Variants in POLM observed in about 807,000 individuals in gnomAD.
The protein encoded by POLM is DNA polymerase mu, also known as DNA-directed DNA/RNA polymerase mu.
A neutral mutation model predicts 56.7 loss-of-function variants in POLM; 52 were observed. The ratio of observed to expected loss-of-function variants is 0.92; its 90% confidence interval spans 0.73 to 1.15. The LOEUF is 1.15. POLM is among the 50% of genes most tolerant of loss of function. The pLI is 0.00. For missense variants in POLM, 660 were observed against 663.6 expected (o/e 0.99, Z 0.06); for synonymous variants, 273 against 274.3 (o/e 1.00, Z 0.05).
Position 44,073,695 on chromosome 7 carries a change from T to C in POLM, c.1328A>G (p.Glu443Gly). Residue 443 changes from glutamate to glycine, a missense_variant, in exon 10 of 11, where the codon GAG becomes GGG. Glu to Gly is a moderately conservative substitution (Grantham distance 98, BLOSUM62 -2). Coordinates refer to ENST00000242248, the MANE Select transcript of POLM (RefSeq NM_013284.4). Reference sequence around the variant, plus strand: ...CTCCTTCCGGCTGAAGCGGCGCAGCTCCCGCTGGAAAAGCTGTAGGGAAGG... The same window carrying C: ...CTCCTTCCGGCTGAAGCGGCGCAGCCCCCGCTGGAAAAGCTGTAGGGAAGG... ...GWTGSKLFQR[E>G]LRRFSRKEKG... is the part of the protein sequence containing the mutation. 6.2e-7 allele frequency: 1 copy of C among 1,614,114 alleles called. No homozygotes were observed. Among genetic ancestry groups the C allele is most frequent in the Non-Finnish European group, 8.5e-7 (1 of 1,179,998 alleles).
In POLM at chr7:44,082,362, C is replaced by A; in HGVS notation, c.77G>T (p.Arg26Leu). Residue 26 changes from arginine (R) to leucine (L), a missense_variant, in exon 1 of 11, where the codon CGC becomes CTC. Arg to Leu is a moderately radical substitution (Grantham distance 102). Transcript: ENST00000242248. ...CAGGTAGATGGCGACTCCCGGGAAG[C>A]GCGTCGAGGGCGGCGTGGAGGAAGC... ...DAASSTPPST[R>L]FPGVAIYLVE... 1 of 1,548,056 alleles carries A rather than the reference C, an allele frequency of 6.5e-7. No individual in the cohort carries two copies. The highest frequency in any genetic ancestry group is 8.7e-7 in the Non-Finnish European group (1 of 1,155,664).
chr7:44,074,100 G>A (rs1051899823), intron 8 of POLM, 31 bp downstream of exon 8: 24 of 1,606,380 alleles, frequency 1.5e-5, no homozygotes, highest in Middle Eastern at 3.3e-4. Flanking sequence ...ATTGGCCAGC[G>A]GTGGCTCTTG....
chr7:44,074,384 T>C lies in POLM; in HGVS notation c.968+14A>G, dbSNP rs374195978. On this transcript the variant is annotated intron_variant, in intron 7 of 10. Coordinates refer to ENST00000242248, the MANE Select transcript of POLM (RefSeq NM_013284.4). ...TCTGAAGCCAAGCCAGAGGGGCACG[T>C]CGGGCCTTCTTACCTGCGGAAGCCG... 4 of 1,552,790 alleles carry C rather than the reference T, an allele frequency of 2.6e-6. No individual in the cohort carries two copies. The highest frequency in any genetic ancestry group is 3.5e-6 in the Non-Finnish European group (4 of 1,147,808).
rs371084765 is a variant in POLM, at chr7:44,074,383, G to C, written c.968+15C>G. The stretch of plus-strand genomic sequence containing the variant: ...GTCTGAAGCCAAGCCAGAGGGGCAC[G>C]TCGGGCCTTCTTACCTGCGGAAGCC... On this transcript the variant is annotated intron_variant, in intron 7 of 10. Coordinates refer to ENST00000242248, the MANE Select transcript of POLM (RefSeq NM_013284.4). 6.4e-7 allele frequency: 1 copy of C among 1,552,638 alleles called. No homozygotes were observed. The highest frequency in any genetic ancestry group is 1.4e-5 in the African/African-American group (1 of 73,220).
At chr7:44,074,083 C>T in intron 8 of POLM, 48 bp downstream of exon 8, 1 of 1,607,500 alleles carries the variant, frequency 6.2e-7, no homozygotes, top group Non-Finnish European at 8.5e-7. Flanking sequence ...GAGCAGGAGG[C>T]AGTGGCATTG....
intron 1 of POLM, 81 bp from the exon 2 acceptor site, chr7:44,080,997 G>T (rs977185123): frequency 8.2e-7 from 1 of 1,217,738 alleles, no homozygotes; most frequent in Non-Finnish European, 1.1e-6. Flanking sequence ...CACTCTTGCC[G>T]TCCCTTCTGC....
At chr7:44,080,942 G>A in intron 1 of POLM, 26 bp from the exon 2 acceptor site, 1 of 1,535,730 alleles carries the variant, frequency 6.5e-7, no homozygotes, top group Non-Finnish European at 8.8e-7. Flanking sequence ...GGGAGAGAAG[G>A]AGGAGGGTGA....
intron 1 of POLM, among the ~76,000 whole-genome samples, chr7:44,081,744 C>CTTTTT (rs1183469734): frequency 0.07 from 8,768 of 125,056 alleles, 405 homozygotes; most frequent in Non-Finnish European, 0.087. Flanking sequence ...GCAAATACGA[C>CTTTTT]TTTTTTTTTT....
At position 44,080,851 on chromosome 7, in the gene POLM, C is replaced by G; in HGVS notation, c.254G>C (p.Arg85Pro). The change falls in exon 2 of 11, where the codon CGC becomes CCC. Residue 85 changes from arginine to proline, a missense_variant. Physicochemically the swap from Arg to Pro is moderately radical, Grantham distance 103 (BLOSUM62 -2). Coordinates refer to ENST00000242248, the MANE Select transcript of POLM (RefSeq NM_013284.4). ...ACCCGGGGGAGCAGCTGCCATCCTG[C>G]GCTCCTGCCAGCTGACGGCCTCCTC... ...SAEEAVSWQE[R>P]RMAAAPPGCT... is the part of the protein sequence containing the mutation. The G allele has an allele frequency of 1.2e-6, 2 of 1,609,784 alleles. No individual in the cohort carries two copies. The highest frequency in any genetic ancestry group is 1.7e-6 in the Non-Finnish European group (2 of 1,178,116).
Position 44,073,123 on chromosome 7 carries a change from C to T in POLM, c.*168G>A. 6.7e-7 allele frequency: 1 copy of T among 1,490,774 alleles called. No homozygotes were observed. The highest frequency in any genetic ancestry group is 8.9e-7 in the Non-Finnish European group (1 of 1,120,176). The allele number at this position is 1,490,774 out of a possible 1,614,324, so 92.3% of individuals were successfully genotyped here. ...CTCATCACACCCTGCAGCACACCAGCAGGGGCTCAACTGATCCTGCAGGCA... is the reference window on the plus strand; with the variant it reads ...CTCATCACACCCTGCAGCACACCAGTAGGGGCTCAACTGATCCTGCAGGCA... On this transcript the variant is annotated 3_prime_UTR_variant, in exon 11 of 11. Transcript: ENST00000242248.
chr7:44,073,545 G>T, intron 10 of POLM, 80 bp downstream of exon 10: 1 of 1,602,240 alleles, frequency 6.2e-7, no homozygotes, highest in South Asian at 1.1e-5. Flanking sequence ...CAGGCTGGAG[G>T]GGTCTGGGGC....
chr7:44,074,482 A>G lies in POLM; in HGVS notation c.884T>C (p.Val295Ala), dbSNP rs1222972213. Residue 295 changes from valine (V) to alanine (A), a missense_variant, in exon 7 of 11, where the codon GTA becomes GCA. Transcript: ENST00000242248. ...DLSTPVLRSD[V>A]DALQQVVEEA... is the part of the protein sequence containing the mutation. ...CTCCACCACCTGCTGCAGGGCATCT[A>G]CATCGGACCGCAGGACTGGGGTGCT... The G allele has an allele frequency of 1.3e-6, 2 of 1,598,040 alleles. No homozygotes were observed. The highest frequency in any genetic ancestry group is 1.7e-6 in the Non-Finnish European group (2 of 1,172,962).
In POLM at chr7:44,073,887, C is replaced by A; in HGVS notation, c.1210G>T (p.Gly404Ter). The A allele has an allele frequency of 4.3e-6, 7 of 1,614,202 alleles. No individual in the cohort carries two copies. The highest frequency in any genetic ancestry group is 5.9e-6 in the Non-Finnish European group (7 of 1,180,036). Reference sequence around the variant, plus strand: ...CAGGATGGGCAGGGCCTCGTGGATCCCCCCACAGCAGCCCCTGGAGGTTGT... The same window carrying A: ...CAGGATGGGCAGGGCCTCGTGGATCACCCCACAGCAGCCCCTGGAGGTTGT... Reference protein sequence around the residue: ...LPQPPGAAVGGSTRPCPSWKA... With the variant: ...LPQPPGAAVG Residue 404 changes from glycine (G) to a stop codon, truncating the protein, a stop_gained, in exon 9 of 11, where the codon GGA (glycine) becomes TGA (stop). Transcript: ENST00000242248. LOFTEE classifies it high-confidence loss of function.
chr7:44,079,768 G>A (rs1328568613), intron 3 of POLM, 27 bp from the exon 4 acceptor site: 3 of 1,610,556 alleles, frequency 1.9e-6, no homozygotes, highest in East Asian at 2.2e-5. Context: ...TAGGTAAGGG[G>A]CAGGGTGGGC....
Position 44,082,513 on chromosome 7 carries a change from A to C in POLM, c.-75T>G, listed in dbSNP as rs1348379958. ...AGCGAGACGGAAGGAAGCCCCAGTG[A>C]GGCTGACGGAAGCGGGTGGGCGGGC... On this transcript the variant is annotated 5_prime_UTR_variant, in exon 1 of 11. Coordinates refer to ENST00000242248, the MANE Select transcript of POLM (RefSeq NM_013284.4). 3.7e-5 allele frequency: 2 copies of C among 53,854 alleles called. No individual in the cohort carries two copies. Among genetic ancestry groups the C allele is most frequent in the Non-Finnish European group, 6.2e-5 (2 of 32,434 alleles). 3.3% of individuals were successfully genotyped at this position (53,854 alleles called of 1,614,324 possible).
At position 44,073,317 on chromosome 7, in the gene POLM, G is replaced by T. The variant is rs758784162; in HGVS notation, c.1459C>A (p.Leu487Ile). 5 of 1,614,110 alleles carry T rather than the reference G, an allele frequency of 3.1e-6. No individual in the cohort carries two copies. Among genetic ancestry groups the T allele is most frequent in the African/African-American group, 2.7e-5 (2 of 74,938 alleles). Reference sequence around the variant, plus strand: ...CAGGCGTTTCTCTGCTCTGGAGGAAGGTACTCAAGGCCCAGGTGTCTGAAG... The same window carrying T: ...CAGGCGTTTCTCTGCTCTGGAGGAATGTACTCAAGGCCCAGGTGTCTGAAG... ...DIFRHLGLEY[L>I]PPEQRNA Residue 487 changes from leucine to isoleucine, a missense_variant, in exon 11 of 11, where the codon CTT becomes ATT. By Grantham distance (5) the Leu-to-Ile change is conservative (BLOSUM62 2). Transcript: ENST00000242248.
chr7:44,076,436 T>C, intron 6 of POLM, 73 bp downstream of exon 6: 1 of 1,591,010 alleles, frequency 6.3e-7, no homozygotes. Flanking sequence ...CCCTTCCCTC[T>C]AGGGAGTTGA....
Position 44,082,473 on chromosome 7 carries a change from C to G in POLM, c.-35G>C. ...AGCCTCCAGCAGCGCGGAGCGAACGCAGAGGGAAACTCCGAGCGAGACGGA... is the reference window on the plus strand; with the variant it reads ...AGCCTCCAGCAGCGCGGAGCGAACGGAGAGGGAAACTCCGAGCGAGACGGA... On this transcript the variant is annotated 5_prime_UTR_variant, in exon 1 of 11. Transcript: ENST00000242248. 1 of 1,151,386 alleles carries G rather than the reference C, an allele frequency of 8.7e-7. No individual in the cohort carries two copies. Among genetic ancestry groups the G allele is most frequent in the Non-Finnish European group, 1.1e-6 (1 of 925,004 alleles). 71.3% of individuals were successfully genotyped at this position (1,151,386 alleles called of 1,614,324 possible).
Position 44,074,236 on chromosome 7 carries a change from G to A in POLM, c.969-3C>T, listed in dbSNP as rs1408572557. On this transcript the variant is annotated splice_polypyrimidine_tract_variant and splice_region_variant and intron_variant, in intron 7 of 10. Transcript: ENST00000242248. ...CGTCATGGCCCTGCAACTTCCCCCT[G>A]AGGGCGTCAGTCTGACTCTGACTCA... 2 of 1,570,070 alleles carry A rather than the reference G, an allele frequency of 1.3e-6. No homozygotes were observed. Among genetic ancestry groups the A allele is most frequent in the Non-Finnish European group, 8.6e-7 (1 of 1,156,694 alleles).
Sources: gnomAD v4.1 joint callset for allele counts (sites outside exome capture counted in the v4.1 genomes callset) on GRCh38, gnomAD v4.1.1 for gene constraint, MANE v1.5 for transcripts, NCBI Gene and HGNC (gene_info 2026-07-23, HGNC 2026-07-21) for gene names.